CBLN2: variants seen among roughly 807,000 people sequenced by gnomAD.
The protein encoded by CBLN2 is cerebellin 2 precursor.
In CBLN2, 7 loss-of-function variants were observed where a neutral mutation model predicts 15.0. The observed-to-expected ratio is 0.47, with a 90% confidence interval of 0.27 to 0.88. CBLN2 has a LOEUF of 0.88. Ranked by LOEUF, CBLN2 falls within the 40% of genes least tolerant of loss-of-function variation. The pLI, the probability that CBLN2 is intolerant of heterozygous loss-of-function variation, is 0.14. For missense variants in CBLN2, 242 were observed against 304.5 expected, an observed-to-expected ratio of 0.79 and a Z score of 1.53; for synonymous variants, 149 against 135.2, an observed-to-expected ratio of 1.10 and a Z score of -0.71.
intron 1 of CBLN2, among the ~76,000 whole-genome samples, chr18:72,552,912 AT>A (rs1197039064): frequency 6.6e-6 from 1 of 152,198 alleles, no homozygotes; most frequent in African/African-American, 2.4e-5. Flanking sequence ...TACTAGTGGA[AT>A]TAGGAAAGTG....
Position 72,538,021 on chromosome 18 carries a change from A to G in CBLN2, c.*155T>C. ...TCAGTATTCCAAAAAACAAAAACAA[A>G]AGTACTGGAGGTTTCAAAGGAAATC... On this transcript the variant is annotated 3_prime_UTR_variant, in exon 5 of 5. Transcript: ENST00000269503. The G allele has an allele frequency of 1.4e-6, 1 of 734,788 alleles. No individual in the cohort carries two copies. The highest frequency in any genetic ancestry group is 2.2e-6 in the Non-Finnish European group (1 of 448,596). The allele number at this position is 734,788 out of a possible 1,614,324, so 45.5% of individuals were successfully genotyped here.
At chr18:72,538,914 C>T in intron 3 of CBLN2, 142 bp from the exon 4 acceptor site, 1 of 1,052,048 alleles carries the variant, frequency 9.5e-7, no homozygotes, top group Non-Finnish European at 1.3e-6. Flanking sequence ...TTCTGGCTTC[C>T]CCAGGAAGGA....
intron 1 of CBLN2, among the ~76,000 whole-genome samples, chr18:72,567,836 G>A (rs751545671): frequency 1.4e-4 from 22 of 152,096 alleles, no homozygotes; most frequent in Admixed American, 3.9e-4. Flanking sequence ...GGCCTTTCTT[G>A]TAATAAGATC....
chr18:72,570,361 C>T (rs2069323641), intron 1 of CBLN2, among the ~76,000 whole-genome samples: 1 of 150,694 alleles, frequency 6.6e-6, no homozygotes, highest in African/African-American at 2.4e-5. Flanking sequence ...CCTCAGCCTC[C>T]CAGGTAGCTG....
intron 1 of CBLN2, among the ~76,000 whole-genome samples, chr18:72,629,447 A>C (rs1175665819): frequency 6.6e-6 from 1 of 152,152 alleles, no homozygotes; most frequent in Non-Finnish European, 1.5e-5. Context: ...GATGAAAAAA[A>C]GGCAGTTCAT....
intron 1 of CBLN2, among the ~76,000 whole-genome samples, chr18:72,636,584 A>T (rs1201746155): frequency 6.6e-6 from 1 of 152,162 alleles, no homozygotes; most frequent in Non-Finnish European, 1.5e-5. Flanking sequence ...CTCCCCTAGA[A>T]GTCTCCCGTT....
intron 1 of CBLN2, chr18:72,618,798 G>A: frequency 1.4e-6 from 1 of 738,076 alleles, no homozygotes; most frequent in Non-Finnish European, 2.5e-6. Flanking sequence ...GTAAAGTTAG[G>A]AAAGCCCTGT....
Position 72,561,280 on chromosome 18 carries a change from A to G in CBLN2, c.16-22508T>C, listed in dbSNP as rs1040792061. Among the ~76,000 whole-genome samples, 7 of 149,684 alleles carry G rather than the reference A, an allele frequency of 4.7e-5. No homozygotes were observed. The South Asian group carries it at 8.4e-4, about 18-fold the overall frequency. ...AAAAAGATGCTTGACATTTATCTCC[A>G]TAAAATTATAAAGAATATGAGAAGT... On this transcript the variant is annotated intron_variant, in intron 1 of 2. Transcript: ENST00000581073.
intron 1 of CBLN2, among the ~76,000 whole-genome samples, chr18:72,585,356 A>G (rs1181606085): frequency 6.6e-6 from 1 of 152,212 alleles, no homozygotes; most frequent in East Asian, 1.9e-4. Flanking sequence ...GAGGTTGAGC[A>G]AGGTGAAAAG....
chr18:72,543,792 C>A lies in CBLN2; in HGVS notation c.-212+185G>T, dbSNP rs948206292. On this transcript the variant is annotated intron_variant, in intron 1 of 4. Transcript: ENST00000269503. The surrounding 1 kb of genome is among the most constrained non-coding windows in gnomAD (Gnocchi z 6.8). ...ACCCCTGGGCTTCGCGCCCGCACCG[C>A]TGCCTGGGGCCCCTCGAGCTCCCGC... Among the ~76,000 whole-genome samples, 68 of 152,044 alleles carry A rather than the reference C, an allele frequency of 4.5e-4. No homozygotes were observed. The highest frequency in any genetic ancestry group is 1.5e-3 in the African/African-American group (63 of 41,536).
chr18:72,628,844 G>A (rs373676421), intron 1 of CBLN2, among the ~76,000 whole-genome samples: 7 of 152,124 alleles, frequency 4.6e-5, no homozygotes, highest in African/African-American at 1.4e-4. Context: ...CTTATAAGCC[G>A]TTGCTGTTTT....
intron 1 of CBLN2, among the ~76,000 whole-genome samples, chr18:72,566,394 G>T (rs1367388376): frequency 6.6e-6 from 1 of 152,150 alleles, no homozygotes. Flanking sequence ...ATTTACGGTA[G>T]TCAAAATAGA....
chr18:72,625,810 C>CTATATATATA (rs771321456), intron 1 of CBLN2, among the ~76,000 whole-genome samples: 11 of 67,714 alleles, frequency 1.6e-4, no homozygotes, highest in Non-Finnish European at 2.4e-4. Flanking sequence ...CTCTCTCTCT[C>CTATATATATA]TCTCTCTCTA....
At chr18:72,618,989 A>G (rs1320832846) in intron 1 of CBLN2, 15 of 764,212 alleles carry the variant, frequency 2.0e-5, no homozygotes, top group Non-Finnish European at 3.0e-5. Flanking sequence ...GGCAGCGGGG[A>G]TGGTCATCAT....
At position 72,612,288 on chromosome 18, in the gene CBLN2, G is replaced by A. The variant is rs189137315; in HGVS notation, c.15+26037C>T. Reference sequence around the variant, plus strand: ...TCTAGTTTGAAAAATGACATTAATAGTTTGGTAGGAATAATGTTGAATCTG... The same window carrying A: ...TCTAGTTTGAAAAATGACATTAATAATTTGGTAGGAATAATGTTGAATCTG... On this transcript the variant is annotated intron_variant, in intron 1 of 2. Coordinates refer to the CBLN2 transcript ENST00000581073. Among the ~76,000 whole-genome samples, 84 of 152,246 alleles carry A rather than the reference G, an allele frequency of 5.5e-4. 1 individual carries two copies. In the South Asian group the frequency reaches 8.9e-3, roughly 16 times the overall value.
chr18:72,557,452 G>T (rs182570747), intron 1 of CBLN2, among the ~76,000 whole-genome samples: 55 of 152,278 alleles, frequency 3.6e-4, no homozygotes, highest in African/African-American at 1.3e-3. Context: ...CTGAGGAATT[G>T]CCACACCATC....
exon 1 of CBLN2, chr18:72,638,396 G>A (rs1831368339): frequency 2.5e-6 from 1 of 398,338 alleles, no homozygotes; most frequent in Non-Finnish European, 4.4e-6. Context: ...ATGTTGTCCA[G>A]TAAATTCAAT....
At chr18:72,575,453 CA>C (rs2144911472) in intron 1 of CBLN2, among the ~76,000 whole-genome samples, 1 of 152,220 alleles carries the variant, frequency 6.6e-6, no homozygotes, top group Admixed American at 6.5e-5. Context: ...CTGTAAGGAA[CA>C]GTGGCTGACA....
intron 1 of CBLN2, among the ~76,000 whole-genome samples, chr18:72,629,964 G>C (rs1282938309): frequency 6.6e-6 from 1 of 152,032 alleles, no homozygotes; most frequent in Non-Finnish European, 1.5e-5. Flanking sequence ...TTAACCAAAA[G>C]ATACCAAAGT....
Sources: allele counts gnomAD v4.1 joint callset (sites outside exome capture counted in the v4.1 genomes callset), GRCh38; gene constraint gnomAD v4.1.1; non-coding constraint Gnocchi (gnomAD v3.1); transcripts MANE v1.5; gene names NCBI Gene and HGNC (gene_info 2026-07-23, HGNC 2026-07-21).